The following VPS13B variants were observed in gnomAD, a reference collection of about 807,000 sequenced individuals.
VPS13B encodes intermembrane lipid transfer protein VPS13B.
In VPS13B, 285 loss-of-function variants were observed where a neutral mutation model predicts 426.4. The ratio of observed to expected loss-of-function variants is 0.67; its 90% confidence interval spans 0.61 to 0.74. The LOEUF is 0.74. VPS13B is among the 30% of genes least tolerant of loss of function. The pLI is 0.00. For missense variants in VPS13B, 4,537 were observed against 4,782.6 expected (o/e 0.95, Z 1.51); for synonymous variants, 1,676 against 1,676.4 (o/e 1.00, Z 0.01).
intron 25 of VPS13B, 36 bp downstream of exon 25, chr8:99,481,838 G>T: frequency 6.2e-7 from 1 of 1,606,444 alleles, no homozygotes. Context: ...CAAAATGAAG[G>T]TTAATATATA....
intron 21 of VPS13B, among the ~76,000 whole-genome samples, chr8:99,425,027 T>A (rs978127834): frequency 1.3e-5 from 2 of 152,316 alleles, no homozygotes; most frequent in East Asian, 3.9e-4. Flanking sequence ...AGAAGTTGCA[T>A]CTCTGAATAG....
At chr8:99,608,744 A>G (rs1827712160) in intron 33 of VPS13B, among the ~76,000 whole-genome samples, 1 of 152,158 alleles carries the variant, frequency 6.6e-6, no homozygotes. Context: ...AAATGGGGTC[A>G]TATAATATGT....
intron 15 of VPS13B, among the ~76,000 whole-genome samples, chr8:99,157,457 G>A (rs570998138): frequency 6.6e-6 from 1 of 152,146 alleles, no homozygotes; most frequent in South Asian, 2.1e-4. Context: ...GTTCTTTGAT[G>A]TTGCTATTGT....
At chr8:99,087,239 C>T (rs1845869358) in intron 3 of VPS13B, among the ~76,000 whole-genome samples, 3 of 152,284 alleles carry the variant, frequency 2.0e-5, no homozygotes, top group Admixed American at 6.5e-5. Context: ...GCTCTGTGGG[C>T]GTAGGACCCA....
chr8:99,179,864 A>G (rs1371532634), intron 16 of VPS13B, among the ~76,000 whole-genome samples: 2 of 151,926 alleles, frequency 1.3e-5, no homozygotes, highest in African/African-American at 4.8e-5. Context: ...ATGAGGTTTT[A>G]GATTGTATAC....
chr8:99,795,088 C>T (rs1438601347), intron 43 of VPS13B, among the ~76,000 whole-genome samples: 1 of 152,174 alleles, frequency 6.6e-6, no homozygotes, highest in Non-Finnish European at 1.5e-5. Flanking sequence ...CAAATCCTGG[C>T]TCCTTTTTAT....
chr8:99,092,473 A>G (rs1846202877), intron 3 of VPS13B, among the ~76,000 whole-genome samples: 1 of 152,194 alleles, frequency 6.6e-6, no homozygotes, highest in Non-Finnish European at 1.5e-5. Flanking sequence ...AAAACTGTGT[A>G]ATGGTCCACA....
intron 19 of VPS13B, among the ~76,000 whole-genome samples, chr8:99,309,903 T>C (rs1392652590): frequency 1.3e-5 from 2 of 152,210 alleles, no homozygotes; most frequent in Admixed American, 6.5e-5. Flanking sequence ...TTCACATCCG[T>C]TGTAAGATGG....
At chr8:99,035,644 A>G (rs1842706549) in intron 2 of VPS13B, among the ~76,000 whole-genome samples, 2 of 152,176 alleles carry the variant, frequency 1.3e-5, no homozygotes, top group African/African-American at 4.8e-5. Flanking sequence ...GGGTGTGTGA[A>G]TATCTCCTTA....
rs796172035 is a variant in VPS13B at position 99,250,343 on chromosome 8, T to C, written c.2516-23855T>C. On this transcript the variant is annotated intron_variant, in intron 17 of 61. Coordinates refer to ENST00000357162, the MANE Select transcript of VPS13B (RefSeq NM_152564.5). ...CTTTTCTTCTCTTAGCAGGGTCTTT[T>C]GCAAAGTAAAAGTTTATAATTTTGA... 5.1e-4 allele frequency among the ~76,000 whole-genome samples: 77 copies of C among 152,316 alleles called. 1 individual carries two copies. Among genetic ancestry groups the C allele is most frequent in the Middle Eastern group, 3.4e-3 (1 of 294 alleles).
intron 24 of VPS13B, among the ~76,000 whole-genome samples, chr8:99,480,088 G>A (rs961118076): frequency 7.2e-5 from 11 of 152,108 alleles, no homozygotes; most frequent in African/African-American, 2.7e-4. Context: ...TCTAAACATG[G>A]GAAGTGGTAG....
At chr8:99,766,493 A>G (rs768663971) in intron 39 of VPS13B, among the ~76,000 whole-genome samples, 3 of 152,230 alleles carry the variant, frequency 2.0e-5, no homozygotes, top group Admixed American at 6.5e-5. Context: ...TTTACTTACT[A>G]TGGGTTTATA....
chr8:99,256,490 C>T (rs529620811), intron 17 of VPS13B, among the ~76,000 whole-genome samples: 1 of 152,204 alleles, frequency 6.6e-6, no homozygotes, highest in East Asian at 1.9e-4. Flanking sequence ...TCCACTGTAC[C>T]ATTTTACATT....
chr8:99,567,921 G>A (rs1825263964), intron 31 of VPS13B, among the ~76,000 whole-genome samples: 1 of 152,100 alleles, frequency 6.6e-6, no homozygotes, highest in Admixed American at 6.5e-5. Context: ...ATATAACTGG[G>A]TAATATAATA....
intron 29 of VPS13B, among the ~76,000 whole-genome samples, chr8:99,513,794 A>C (rs1821915645): frequency 6.6e-6 from 1 of 152,210 alleles, no homozygotes; most frequent in Admixed American, 6.5e-5. Flanking sequence ...AATATGATAC[A>C]ATATCAGTGT....
chr8:99,284,977 T>G (rs1819358304), intron 19 of VPS13B, among the ~76,000 whole-genome samples: 1 of 152,214 alleles, frequency 6.6e-6, no homozygotes, highest in Admixed American at 6.5e-5. Context: ...TAATGTGGAT[T>G]TTAAGTATTA....
intron 35 of VPS13B, among the ~76,000 whole-genome samples, chr8:99,691,623 A>C (rs1384726191): frequency 6.6e-6 from 1 of 151,614 alleles, no homozygotes; most frequent in Non-Finnish European, 1.5e-5. Flanking sequence ...ACTAGGAAGA[A>C]ACTGCATCAA....
chr8:99,254,613 AT>A (rs1817658769), intron 17 of VPS13B, among the ~76,000 whole-genome samples: 1 of 151,166 alleles, frequency 6.6e-6, no homozygotes, highest in Non-Finnish European at 1.5e-5. Context: ...AAATTAATTA[AT>A]TTTTAACTTT....
intron 27 of VPS13B, among the ~76,000 whole-genome samples, chr8:99,503,594 A>G (rs1430074989): frequency 6.6e-6 from 1 of 152,190 alleles, no homozygotes; most frequent in Non-Finnish European, 1.5e-5. Flanking sequence ...TGTCATTTCA[A>G]CAATGTTCCC....
Sources: allele counts gnomAD v4.1 joint callset (sites outside exome capture counted in the v4.1 genomes callset), GRCh38; gene constraint gnomAD v4.1.1; transcripts MANE v1.5; gene names NCBI Gene and HGNC (gene_info 2026-07-23, HGNC 2026-07-21).